CNTNAP2: variants seen among roughly 807,000 people sequenced by gnomAD.
CNTNAP2 encodes contactin-associated protein-like 2.
In CNTNAP2, 98 loss-of-function variants were observed where a neutral mutation model predicts 155.2. That is an observed-to-expected ratio of 0.63 (90% CI 0.54 to 0.75). The LOEUF (loss-of-function observed/expected upper bound fraction) is 0.75, where lower values mean the gene tolerates loss of function less well. CNTNAP2 is among the 30% of genes least tolerant of loss of function. The pLI is 0.00. For missense variants in CNTNAP2, 1,727 were observed against 1,688.1 expected (o/e 1.02, Z -0.40); for synonymous variants, 651 against 631.2 (o/e 1.03, Z -0.47).
chr7:146,743,566 T>C (rs1044886536), intron 1 of CNTNAP2, among the ~76,000 whole-genome samples: 2 of 147,948 alleles, frequency 1.4e-5, no homozygotes, highest in Non-Finnish European at 2.9e-5. Flanking sequence ...CTCCTGCCTA[T>C]GCAGTGACTT....
chr7:146,648,482 A>AT (rs1415655662), intron 1 of CNTNAP2, among the ~76,000 whole-genome samples: 18 of 152,086 alleles, frequency 1.2e-4, no homozygotes, highest in Non-Finnish European at 2.4e-4. Context: ...TGCTGTGAAA[A>AT]TTTTTTATTA....
At chr7:147,745,352 G>A (rs1797020947) in intron 13 of CNTNAP2, among the ~76,000 whole-genome samples, 1 of 152,162 alleles carries the variant, frequency 6.6e-6, no homozygotes, top group South Asian at 2.1e-4. Flanking sequence ...TCCAGTTCAA[G>A]TATGTAGCAT....
chr7:147,907,577 C>T (rs1011131368), intron 14 of CNTNAP2, among the ~76,000 whole-genome samples: 5 of 152,126 alleles, frequency 3.3e-5, no homozygotes, highest in East Asian at 1.9e-4. Context: ...GAGCTTGATG[C>T]GGGTAGACCT....
At chr7:146,626,727 A>C (rs1799426132) in intron 1 of CNTNAP2, among the ~76,000 whole-genome samples, 1 of 152,166 alleles carries the variant, frequency 6.6e-6, no homozygotes, top group African/African-American at 2.4e-5. Flanking sequence ...CATTTTTCTT[A>C]GATAATATCT....
At chr7:146,234,708 A>T (rs1186064570) in intron 1 of CNTNAP2, among the ~76,000 whole-genome samples, 1 of 152,164 alleles carries the variant, frequency 6.6e-6, no homozygotes, top group African/African-American at 2.4e-5. Context: ...AGCACCATTT[A>T]TTAAATAGGG....
chr7:147,566,133 A>C (rs955298562), intron 12 of CNTNAP2, among the ~76,000 whole-genome samples: 3 of 144,210 alleles, frequency 2.1e-5, no homozygotes, highest in Non-Finnish European at 3.0e-5. Context: ...AAAAAAAAAA[A>C]GCAAAAACAA....
At chr7:147,146,917 C>T (rs564290125) in intron 8 of CNTNAP2, among the ~76,000 whole-genome samples, 2 of 152,190 alleles carry the variant, frequency 1.3e-5, no homozygotes, top group Non-Finnish European at 1.5e-5. Context: ...AAGAGTACTT[C>T]TGCTGGGATC....
chr7:148,050,632 A>T (rs1425100593), intron 15 of CNTNAP2, among the ~76,000 whole-genome samples: 14 of 152,202 alleles, frequency 9.2e-5, no homozygotes, highest in Non-Finnish European at 2.1e-4. Flanking sequence ...AGTATTTTTT[A>T]AGTCAACATT....
At chr7:147,514,571 A>G (rs1361871371) in intron 11 of CNTNAP2, among the ~76,000 whole-genome samples, 1 of 152,066 alleles carries the variant, frequency 6.6e-6, no homozygotes, top group Admixed American at 6.6e-5. Flanking sequence ...GACTGTTTAG[A>G]AAAGCATGAG....
At chr7:147,919,978 A>G (rs1800240709) in intron 14 of CNTNAP2, among the ~76,000 whole-genome samples, 1 of 152,126 alleles carries the variant, frequency 6.6e-6, no homozygotes, top group Non-Finnish European at 1.5e-5. Context: ...TGATGTCATC[A>G]AAAAGACCCC....
chr7:146,411,850 T>A (rs570641489), intron 1 of CNTNAP2, among the ~76,000 whole-genome samples: 176 of 148,808 alleles, frequency 1.2e-3, no homozygotes, highest in African/African-American at 4.4e-3. Flanking sequence ...TTATTTATTT[T>A]ATTTGAGATA....
chr7:147,481,065 T>C (rs1798414785), intron 10 of CNTNAP2, among the ~76,000 whole-genome samples: 1 of 152,218 alleles, frequency 6.6e-6, no homozygotes, highest in Non-Finnish European at 1.5e-5. Flanking sequence ...CATGTGGATT[T>C]CTGGAGTCAT....
intron 8 of CNTNAP2, among the ~76,000 whole-genome samples, chr7:147,212,940 A>C (rs1469555613): frequency 1.3e-5 from 2 of 152,152 alleles, no homozygotes; most frequent in African/African-American, 4.8e-5. Context: ...TCAGGATGTT[A>C]AATTAATAAT....
At chr7:148,019,784 G>A (rs907276803) in intron 15 of CNTNAP2, among the ~76,000 whole-genome samples, 1 of 151,532 alleles carries the variant, frequency 6.6e-6, no homozygotes, top group African/African-American at 2.4e-5. Flanking sequence ...TGGGGGGAGG[G>A]GTGTGAGGGG....
At chr7:148,336,074 C>T (rs1202003494) in intron 21 of CNTNAP2, among the ~76,000 whole-genome samples, 1 of 152,158 alleles carries the variant, frequency 6.6e-6, no homozygotes, top group African/African-American at 2.4e-5. Flanking sequence ...AAGTAACTGC[C>T]TCTCATTACA....
At chr7:147,667,750 T>A (rs1467538386) in intron 13 of CNTNAP2, among the ~76,000 whole-genome samples, 2 of 151,586 alleles carry the variant, frequency 1.3e-5, no homozygotes, top group East Asian at 1.9e-4. Flanking sequence ...AAAGCACTTT[T>A]TAAGGCCTAT....
At chr7:147,435,920 T>C (rs1797541247) in intron 10 of CNTNAP2, among the ~76,000 whole-genome samples, 1 of 152,232 alleles carries the variant, frequency 6.6e-6, no homozygotes, top group African/African-American at 2.4e-5. Context: ...ATCTCTCTTT[T>C]TACTCCTTAT....
At chr7:147,015,103 TC>T (rs1369409730) in intron 3 of CNTNAP2, among the ~76,000 whole-genome samples, 50 of 151,908 alleles carry the variant, frequency 3.3e-4, no homozygotes, top group African/African-American at 1.2e-3. Flanking sequence ...TTTTTTTTTT[TC>T]TTTTTTCCCT....
intron 1 of CNTNAP2, among the ~76,000 whole-genome samples, chr7:146,277,785 A>G (rs2129084321): frequency 6.6e-6 from 1 of 152,348 alleles, no homozygotes; most frequent in East Asian, 1.9e-4. Context: ...GACTCCAAAC[A>G]GGAACACTTG....
Sources: allele counts gnomAD v4.1 joint callset (sites outside exome capture counted in the v4.1 genomes callset), GRCh38; gene constraint gnomAD v4.1.1; transcripts MANE v1.5; gene names NCBI Gene and HGNC (gene_info 2026-07-23, HGNC 2026-07-21).